The following CPLX1 variants were observed in gnomAD, a reference collection of about 807,000 sequenced individuals.
CPLX1 encodes the protein complexin-1.
A neutral mutation model predicts 15.6 loss-of-function variants in CPLX1; 6 were observed. The observed-to-expected ratio is 0.39, with a 90% confidence interval of 0.21 to 0.76. CPLX1 has a LOEUF of 0.76. Among genes scored for constraint, CPLX1 ranks in the 30% least tolerant of loss-of-function variants. The pLI is 0.43. For synonymous variants in CPLX1, 91 were observed against 75.2 expected (o/e 1.21, Z -1.08); for missense variants, 242 against 188.6 (o/e 1.28, Z -1.66).
At chr4:804,654 G>T in intron 2 of CPLX1, 2 of 848,486 alleles carry the variant, frequency 2.4e-6, no homozygotes, top group Non-Finnish European at 2.8e-6. Context: ...AAACTCCAAC[G>T]CTTTTGTTCT....
intron 3 of CPLX1, chr4:787,232 C>A: frequency 2.0e-6 from 2 of 985,388 alleles, no homozygotes; most frequent in Non-Finnish European, 2.4e-6. Flanking sequence ...CCGTGGGCAG[C>A]CGGCAGAGGG....
intron 2 of CPLX1, among the ~76,000 whole-genome samples, chr4:816,041 C>T (rs895613704): frequency 2.6e-4 from 39 of 152,238 alleles, no homozygotes; most frequent in African/African-American, 7.7e-4. Flanking sequence ...ATATTTGTTA[C>T]AATGTTTATG....
intron 2 of CPLX1, among the ~76,000 whole-genome samples, chr4:803,171 G>A (rs1467363686): frequency 6.6e-6 from 1 of 152,132 alleles, no homozygotes; most frequent in Non-Finnish European, 1.5e-5. Flanking sequence ...GAAGAGAAAA[G>A]CAGAAAATGG....
chr4:802,696 TC>T (rs1401041064), intron 2 of CPLX1, among the ~76,000 whole-genome samples: 1 of 152,156 alleles, frequency 6.6e-6, no homozygotes, highest in African/African-American at 2.4e-5. Flanking sequence ...ACACCTGTAA[TC>T]CCAGCACTTT....
intron 3 of CPLX1, among the ~76,000 whole-genome samples, chr4:790,414 C>T (rs910670328): frequency 6.6e-6 from 1 of 152,178 alleles, no homozygotes; most frequent in Non-Finnish European, 1.5e-5. Flanking sequence ...GCTCTGGGCC[C>T]CACATGGAAG....
chr4:794,448 T>C (rs117643356), intron 2 of CPLX1, among the ~76,000 whole-genome samples: 2 of 152,346 alleles, frequency 1.3e-5, no homozygotes, highest in East Asian at 3.9e-4. Context: ...GTGGTCAGTT[T>C]TCAGCCGCAT....
intron 2 of CPLX1, among the ~76,000 whole-genome samples, chr4:810,322 T>G (rs1746643389): frequency 6.6e-6 from 1 of 152,212 alleles, no homozygotes; most frequent in Admixed American, 6.5e-5. Flanking sequence ...GTGCTGGGAT[T>G]ACAGGCGTGA....
chr4:807,356 C>T (rs564778090), intron 2 of CPLX1, among the ~76,000 whole-genome samples: 2 of 152,290 alleles, frequency 1.3e-5, no homozygotes, highest in Non-Finnish European at 2.9e-5. Flanking sequence ...AGAAAAATAG[C>T]TAATGCATGC....
At chr4:792,331 C>T (rs1054358258) in intron 3 of CPLX1, 102 bp downstream of exon 3, 5 of 1,148,804 alleles carry the variant, frequency 4.4e-6, no homozygotes, top group East Asian at 2.9e-5. Flanking sequence ...CCCAGGGGGA[C>T]GCCCGCCCCT....
chr4:792,449 T>C lies in CPLX1; in HGVS notation c.191A>G (p.Gln64Arg). 1.9e-6 allele frequency: 3 copies of C among 1,598,530 alleles called. No homozygotes were observed. Among genetic ancestry groups the C allele is most frequent in the Non-Finnish European group, 2.6e-6 (3 of 1,173,148 alleles). Residue 64 changes from glutamine (Q) to arginine (R), a missense_variant, in exon 3 of 4, where the codon CAG (glutamine) becomes CGG (arginine). Transcript: ENST00000304062. ...GGCGCGCACCTTGTCTCGGATGCCC[T>C]GGCGCACGGCCTCGCGCTCCGCCTC... is the stretch of plus-strand genomic sequence containing the variant. ...KMEAEREAVR[Q>R]GIRDKYGIKK... is the part of the protein sequence containing the mutation.
intron 2 of CPLX1, among the ~76,000 whole-genome samples, chr4:796,505 G>A (rs906016292): frequency 6.6e-6 from 1 of 152,146 alleles, no homozygotes; most frequent in South Asian, 2.1e-4. Flanking sequence ...GGGTGGTCTC[G>A]AACTCCTGAC....
chr4:799,047 C>G (rs1447509255), intron 2 of CPLX1, among the ~76,000 whole-genome samples: 1 of 152,338 alleles, frequency 6.6e-6, no homozygotes, highest in African/African-American at 2.4e-5. Context: ...ACTCCCATGG[C>G]CCTTGTTATA....
rs1306962648 is a variant in CPLX1, at chr4:785,011, G to A, written c.*1490C>T. ...TCCATCCGGAGAGAACACACGCAGGGGCCCCGACATGCAGGAGGAGGCGCA... is the reference window on the plus strand; with the variant it reads ...TCCATCCGGAGAGAACACACGCAGGAGCCCCGACATGCAGGAGGAGGCGCA... On this transcript the variant is annotated 3_prime_UTR_variant, in exon 4 of 4. Coordinates refer to ENST00000304062, the MANE Select transcript of CPLX1 (RefSeq NM_006651.4). 3 of 152,336 alleles carry A rather than the reference G, an allele frequency of 2.0e-5. No homozygotes were observed. Among genetic ancestry groups the A allele is most frequent in the African/African-American group, 4.8e-5 (2 of 41,472 alleles). 9.4% of individuals were successfully genotyped at this position (152,336 alleles called of 1,614,324 possible).
intron 2 of CPLX1, among the ~76,000 whole-genome samples, chr4:810,812 C>T (rs1746654781): frequency 2.0e-5 from 3 of 151,368 alleles, no homozygotes; most frequent in Non-Finnish European, 4.4e-5. Context: ...TTCTTCTGCC[C>T]CAGCCTCCCG....
intron 3 of CPLX1, among the ~76,000 whole-genome samples, chr4:791,030 C>CT (rs1746155961): frequency 6.6e-6 from 1 of 152,074 alleles, no homozygotes; most frequent in African/African-American, 2.4e-5. Flanking sequence ...TCTCTGTTCT[C>CT]TGACTCCCCC....
Position 824,592 on chromosome 4 carries a change from A to C in CPLX1, c.-70T>G. ...TCACACGCAAGTATGGCCGGGAGCG[A>C]GTGTTCTTCCTGGGGGAGAGTGAAG... On this transcript the variant is annotated 5_prime_UTR_variant, in exon 2 of 4. Transcript: ENST00000304062. 6.4e-7 allele frequency: 1 copy of C among 1,550,898 alleles called. No individual in the cohort carries two copies. The highest frequency in any genetic ancestry group is 8.9e-7 in the Non-Finnish European group (1 of 1,123,894).
intron 2 of CPLX1, 131 bp downstream of exon 2, chr4:824,361 C>T: frequency 1.2e-6 from 1 of 825,808 alleles, no homozygotes; most frequent in African/African-American, 1.7e-5. Flanking sequence ...GCCCCAGGCT[C>T]CTGTGCAGGG....
intron 2 of CPLX1, among the ~76,000 whole-genome samples, chr4:818,862 C>T (rs962275261): frequency 1.3e-5 from 2 of 152,246 alleles, no homozygotes; most frequent in African/African-American, 4.8e-5. Context: ...AAGGACGGTG[C>T]TGGACTGGAT....
At chr4:823,340 A>C (rs899288395) in intron 2 of CPLX1, among the ~76,000 whole-genome samples, 30 of 152,228 alleles carry the variant, frequency 2.0e-4, no homozygotes, top group African/African-American at 5.8e-4. Context: ...TGTTGAGTGG[A>C]AGCACAGCCA....
Sources: allele counts gnomAD v4.1 joint callset (sites outside exome capture counted in the v4.1 genomes callset), GRCh38; gene constraint gnomAD v4.1.1; transcripts MANE v1.5; gene names NCBI Gene and HGNC (gene_info 2026-07-23, HGNC 2026-07-21).